CCR3: variants seen among roughly 807,000 people sequenced by gnomAD.
CCR3 encodes C-C chemokine receptor type 3.
For missense variants in CCR3, 419 were observed against 437.5 expected, an observed-to-expected ratio of 0.96 and a Z score of 0.38; for synonymous variants, 203 against 179.2, an observed-to-expected ratio of 1.13 and a Z score of -1.06.
At chr3:46,225,225 T>G (rs1699880789) in intron 2 of CCR3, among the ~76,000 whole-genome samples, 1 of 152,204 alleles carries the variant, frequency 6.6e-6, no homozygotes, top group Non-Finnish European at 1.5e-5. Flanking sequence ...GGGTACTGAC[T>G]GGGAAGAAGT....
intron 1 of CCR3, among the ~76,000 whole-genome samples, chr3:46,249,117 G>A (rs186498671): frequency 1.2e-3 from 179 of 152,196 alleles, no homozygotes; most frequent in Non-Finnish European, 1.8e-3. Flanking sequence ...ATGATTGGTC[G>A]CCAAGGAGGG....
At chr3:46,212,298 T>C (rs13075270) in intron 2 of CCR3, among the ~76,000 whole-genome samples, 19,420 of 152,140 alleles carry the variant, frequency 0.13, 1,537 homozygotes, top group South Asian at 0.28. Context: ...TTGCCTAATC[T>C]TGGGGCACAC....
intron 1 of CCR3, among the ~76,000 whole-genome samples, chr3:46,245,520 A>G (rs1388634521): frequency 2.0e-5 from 3 of 151,808 alleles, no homozygotes; most frequent in African/African-American, 7.3e-5. Context: ...AACAAAACAA[A>G]ACAAAACCTA....
At chr3:46,247,897 C>T (rs28802924) in intron 1 of CCR3, among the ~76,000 whole-genome samples, 7 of 152,002 alleles carry the variant, frequency 4.6e-5, no homozygotes, top group Non-Finnish European at 1.0e-4. Flanking sequence ...TAGAATAGCA[C>T]ATAGAATAGC....
At chr3:46,250,576 G>A (rs972920240) in intron 1 of CCR3, among the ~76,000 whole-genome samples, 25 of 152,116 alleles carry the variant, frequency 1.6e-4, no homozygotes, top group African/African-American at 5.6e-4. Context: ...TGGAGAAATC[G>A]AAAGTGCCAT....
At chr3:46,220,058 A>G (rs999132843) in intron 2 of CCR3, among the ~76,000 whole-genome samples, 1 of 152,250 alleles carries the variant, frequency 6.6e-6, no homozygotes, top group African/African-American at 2.4e-5. Context: ...CAGACAACCC[A>G]CAGAGTGGGA....
chr3:46,243,027 A>G (rs1700123753), intron 1 of CCR3, among the ~76,000 whole-genome samples: 1 of 148,482 alleles, frequency 6.7e-6, no homozygotes, highest in Admixed American at 6.8e-5. Context: ...ACATTTTTAT[A>G]TATACAAAGT....
At chr3:46,229,697 TA>T (rs1420363964) in intron 2 of CCR3, among the ~76,000 whole-genome samples, 1 of 152,170 alleles carries the variant, frequency 6.6e-6, no homozygotes, top group Admixed American at 6.5e-5. Flanking sequence ...TCACGGACAT[TA>T]AATTGATGTA....
intron 1 of CCR3, chr3:46,264,638 GGC>G (rs1364441749): frequency 2.0e-5 from 11 of 548,950 alleles, no homozygotes; most frequent in Non-Finnish European, 2.9e-5. Flanking sequence ...TATAATGAAT[GGC>G]TCATCATTAT....
At chr3:46,249,996 T>G (rs966447027) in intron 1 of CCR3, among the ~76,000 whole-genome samples, 4 of 152,006 alleles carry the variant, frequency 2.6e-5, no homozygotes, top group African/African-American at 9.7e-5. Context: ...GGTAATAAAA[T>G]GTATATTGAG....
rs561495695 is a variant in CCR3, at chr3:46,227,051, C to T, written c.-67-15351C>T. The stretch of plus-strand genomic sequence containing the variant: ...CATGCCTGGCTATTTTTTTATTTTT[C>T]GTATTTTTAGTAGAGACAGGGTTTT... On this transcript the variant is annotated intron_variant, in intron 2 of 3. Transcript: ENST00000357422. Among the ~76,000 whole-genome samples the T allele has an allele frequency of 5.5e-5, 8 of 145,922 alleles. No homozygotes were observed. The East Asian group carries it at 1.6e-3, about 29-fold the overall frequency.
chr3:46,224,198 A>G (rs1345597966), intron 2 of CCR3, among the ~76,000 whole-genome samples: 1 of 152,226 alleles, frequency 6.6e-6, no homozygotes, highest in Non-Finnish European at 1.5e-5. Context: ...CATTTGAGAA[A>G]TGCAAATTAA....
chr3:46,213,544 G>A (rs535243390), intron 2 of CCR3, among the ~76,000 whole-genome samples: 3 of 152,150 alleles, frequency 2.0e-5, no homozygotes, highest in Non-Finnish European at 4.4e-5. Context: ...GTTTGAGTCC[G>A]TAAATTATCT....
At position 46,265,896 on chromosome 3, in the gene CCR3, G is replaced by T; in HGVS notation, c.738G>T (p.Ala246=). 6.2e-7 allele frequency: 1 copy of T among 1,614,076 alleles called. No homozygotes were observed. The highest frequency in any genetic ancestry group is 8.5e-7 in the Non-Finnish European group (1 of 1,179,990). ...KAIRLIFVIM[A]VFFIFWTPYN... is the part of the protein sequence containing the mutation. ...TCCGGCTCATTTTTGTCATCATGGCGGTGTTTTTCATTTTCTGGACACCCT... is the reference window on the plus strand; with the variant it reads ...TCCGGCTCATTTTTGTCATCATGGCTGTGTTTTTCATTTTCTGGACACCCT... The change falls in exon 2 of 2, where the codon GCG becomes GCT. Residue 246 remains alanine (A), a synonymous_variant. Transcript: ENST00000395940.
intron 2 of CCR3, among the ~76,000 whole-genome samples, chr3:46,212,820 G>A (rs1304833457): frequency 6.6e-6 from 1 of 152,128 alleles, no homozygotes; most frequent in Non-Finnish European, 1.5e-5. Flanking sequence ...GATCATCCAA[G>A]AGGCTGCCTC....
At position 46,264,374 on chromosome 3, in the gene CCR3, A is replaced by G. The variant is rs1336071404; in HGVS notation, c.-11-774A>G. ...TACATGTGTAACAGACAAAATGTGT[A>G]TTTTTTTCACAGCTGCTGTGGATTG... On this transcript the variant is annotated intron_variant, in intron 1 of 1. Transcript: ENST00000395940. The G allele has an allele frequency of 2.7e-6, 4 of 1,487,934 alleles. No homozygotes were observed. In the African/African-American group the frequency reaches 4.2e-5, roughly 16 times the overall value. The allele number at this position is 1,487,934 out of a possible 1,614,324, so 92.2% of individuals were successfully genotyped here. A position where few individuals can be genotyped will look rare whatever the true frequency, so the allele number is the denominator to read the frequency against.
chr3:46,221,185 C>A (rs73833020), intron 2 of CCR3, among the ~76,000 whole-genome samples: 1 of 152,078 alleles, frequency 6.6e-6, no homozygotes, highest in Non-Finnish European at 1.5e-5. Flanking sequence ...GCTATTATAT[C>A]AGGCATGTTG....
At chr3:46,242,423 C>T (rs980146432), upstream of CCR3, 3 of 152,196 alleles carry the variant, frequency 2.0e-5, no homozygotes, top group African/African-American at 7.2e-5. Context: ...CCTAAGCTAT[C>T]ACTGGACATA....
intron 2 of CCR3, among the ~76,000 whole-genome samples, chr3:46,221,448 T>A (rs1397261301): frequency 1.3e-5 from 2 of 152,214 alleles, no homozygotes; most frequent in East Asian, 3.8e-4. Context: ...GATTCCCTAG[T>A]TGTAGGGGTA....
Sources: allele counts gnomAD v4.1 joint callset (sites outside exome capture counted in the v4.1 genomes callset), GRCh38; gene constraint gnomAD v4.1.1; transcripts MANE v1.5; gene names NCBI Gene and HGNC (gene_info 2026-07-23, HGNC 2026-07-21).